TPRG1: variants seen among roughly 807,000 people sequenced by gnomAD.
TPRG1 encodes tumor protein p63-regulated gene 1 protein.
Under a neutral mutation model 29.3 loss-of-function variants are expected in TPRG1, and 29 were observed. The ratio of observed to expected loss-of-function variants is 0.99; its 90% CI spans 0.74 to 1.35. The LOEUF (loss-of-function observed/expected upper bound fraction) is 1.35, where lower values mean the gene tolerates loss of function less well. Among genes scored for constraint, TPRG1 ranks in the 40% most tolerant of loss-of-function variants. The pLI is 0.00. For synonymous variants in TPRG1, 130 were observed against 116.8 expected (o/e 1.11, Z -0.73); for missense variants, 327 against 335.0 (o/e 0.98, Z 0.19).
chr3:189,142,040 G>A (rs775459891), intron 3 of TPRG1, among the ~76,000 whole-genome samples: 1 of 152,162 alleles, frequency 6.6e-6, no homozygotes, highest in Non-Finnish European at 1.5e-5. Context: ...GAGGAACTGG[G>A]GGAAACAGGG....
At chr3:189,159,169 T>C (rs1236216560) in intron 5 of TPRG1, among the ~76,000 whole-genome samples, 1 of 152,154 alleles carries the variant, frequency 6.6e-6, no homozygotes, top group East Asian at 1.9e-4. Context: ...CAATGCTAAA[T>C]CATAATAAAC....
At chr3:189,071,114 G>T (rs977819622) in intron 4 of TPRG1, among the ~76,000 whole-genome samples, 1 of 151,334 alleles carries the variant, frequency 6.6e-6, no homozygotes, top group African/African-American at 2.4e-5. Flanking sequence ...CTCAGTGAAG[G>T]TCCCCAGACC....
At position 189,017,275 on chromosome 3, in the gene TPRG1, T is replaced by G. The variant is rs558953653; in HGVS notation, c.-659-6475T>G. Among the ~76,000 whole-genome samples, 32 of 152,008 alleles carry G rather than the reference T, an allele frequency of 2.1e-4. No homozygotes were observed. In the South Asian group the frequency reaches 6.7e-3, roughly 32 times the overall value. ...TTAAGTTTTAGGGTACATGTGCACATTGTGCAGGTTAGTTACATATGTATA... is the reference window on the plus strand; with the variant it reads ...TTAAGTTTTAGGGTACATGTGCACAGTGTGCAGGTTAGTTACATATGTATA... On this transcript the variant is annotated intron_variant, in intron 3 of 10. Transcript: ENST00000433971.
chr3:189,109,299 G>A (rs569547093), intron 1 of TPRG1, among the ~76,000 whole-genome samples: 164 of 152,340 alleles, frequency 1.1e-3, no homozygotes, highest in African/African-American at 3.9e-3. Context: ...ACTGTCTAGT[G>A]CGTGTGGTGC....
chr3:189,065,771 A>G (rs1012109603), intron 4 of TPRG1, among the ~76,000 whole-genome samples: 9 of 152,180 alleles, frequency 5.9e-5, no homozygotes, highest in African/African-American at 2.2e-4. Context: ...TGTCTTTAAT[A>G]CTACTCTTAT....
chr3:189,233,160 GTGTGTA>G (rs930250424), intron 3 of TPRG1, among the ~76,000 whole-genome samples: 9 of 107,198 alleles, frequency 8.4e-5, no homozygotes, highest in African/African-American at 1.6e-4. Flanking sequence ...CCTCTACTGA[GTGTGTA>G]TGTGTGTGTG....
chr3:189,102,194 A>C (rs886963482), intron 1 of TPRG1, among the ~76,000 whole-genome samples: 2 of 152,214 alleles, frequency 1.3e-5, no homozygotes, highest in African/African-American at 4.8e-5. Flanking sequence ...TGTAGAAAAC[A>C]TTCCCCTGGC....
intron 1 of TPRG1, among the ~76,000 whole-genome samples, chr3:189,188,823 A>G (rs1311766504): frequency 6.6e-6 from 1 of 152,142 alleles, no homozygotes; most frequent in Non-Finnish European, 1.5e-5. Context: ...TTTTTCCTGT[A>G]TGCAGCCTTT....
intron 4 of TPRG1, among the ~76,000 whole-genome samples, chr3:189,279,489 A>G (rs1313576878): frequency 6.6e-6 from 1 of 152,188 alleles, no homozygotes; most frequent in Non-Finnish European, 1.5e-5. Flanking sequence ...GTAGCTCTAT[A>G]ATTATCTATT....
intron 1 of TPRG1, among the ~76,000 whole-genome samples, chr3:189,102,504 T>C (rs115546531): frequency 0.019 from 2,864 of 149,308 alleles, 59 homozygotes; most frequent in Non-Finnish European, 0.026. Context: ...ACATGTTACC[T>C]GTCTCTAAGT....
chr3:189,047,196 G>T (rs1715032340), intron 4 of TPRG1, among the ~76,000 whole-genome samples: 1 of 152,086 alleles, frequency 6.6e-6, no homozygotes, highest in Admixed American at 6.6e-5. Flanking sequence ...TACACGCATA[G>T]GTTGGAGATA....
intron 4 of TPRG1, among the ~76,000 whole-genome samples, chr3:189,282,003 C>T (rs2109141617): frequency 1.3e-5 from 2 of 152,168 alleles, no homozygotes; most frequent in South Asian, 4.1e-4. Context: ...GCCTCAGCTT[C>T]CTGAGTAGCT....
intron 3 of TPRG1, among the ~76,000 whole-genome samples, chr3:189,144,426 A>G (rs1352369069): frequency 6.6e-6 from 1 of 152,226 alleles, no homozygotes; most frequent in East Asian, 1.9e-4. Flanking sequence ...TACATAAAAT[A>G]GTGATGTGAC....
chr3:189,181,634 A>G (rs1186947334), intron 1 of TPRG1, among the ~76,000 whole-genome samples: 1 of 152,216 alleles, frequency 6.6e-6, no homozygotes, highest in Non-Finnish European at 1.5e-5. Flanking sequence ...TATTATTATC[A>G]GCATTTTAGT....
chr3:189,111,516 G>A (rs1720524128), intron 1 of TPRG1, among the ~76,000 whole-genome samples: 1 of 152,058 alleles, frequency 6.6e-6, no homozygotes, highest in African/African-American at 2.4e-5. Flanking sequence ...TCTACTGAAT[G>A]TATATTGCTT....
rs76059576 is a variant in TPRG1, at chr3:189,111,071, T to A, written c.-744+10867T>A. ...CTATTCTTTTTTCTCTGCCTTTCCT[T>A]GGAAATTTTAGAATCAGCTTGGCAA... is the stretch of plus-strand genomic sequence containing the variant. On this transcript the variant is annotated intron_variant, in intron 1 of 6. Transcript: ENST00000412373. Among the ~76,000 whole-genome samples, 881 of 151,450 alleles carry A rather than the reference T, an allele frequency of 5.8e-3. 5 individuals are homozygous for A. The highest frequency in any genetic ancestry group is 8.2e-3 in the Non-Finnish European group (555 of 67,854).
rs1205604460 is a variant in TPRG1, at chr3:189,325,099, G to A, written c.*4279G>A. The A allele has an allele frequency of 6.6e-6, 1 of 152,010 alleles. No individual in the cohort carries two copies. The highest frequency in any genetic ancestry group is 1.5e-5 in the Non-Finnish European group (1 of 68,018). 9.4% of individuals were successfully genotyped at this position (152,010 alleles called of 1,614,324 possible). On this transcript the variant is annotated 3_prime_UTR_variant, in exon 6 of 6. Coordinates refer to ENST00000345063, the MANE Select transcript of TPRG1 (RefSeq NM_198485.4). ...CTCTGAGGCCTTGGAGTTACTGAGA[G>A]TGGACCAATACTTGTCTTATTCTAC... is the stretch of plus-strand genomic sequence containing the variant.
chr3:189,113,913 TATA>T (rs924729669), intron 1 of TPRG1, among the ~76,000 whole-genome samples: 2 of 134,086 alleles, frequency 1.5e-5, no homozygotes, highest in Non-Finnish European at 3.0e-5. Context: ...AAACTTAAAG[TATA>T]ATAATAATAA....
At chr3:189,182,723 C>A (rs534531699) in intron 1 of TPRG1, among the ~76,000 whole-genome samples, 39 of 152,216 alleles carry the variant, frequency 2.6e-4, no homozygotes, top group African/African-American at 9.4e-4. Flanking sequence ...GAATAATTAA[C>A]AATAGAAAGT....
Sources: allele counts gnomAD v4.1 joint callset (sites outside exome capture counted in the v4.1 genomes callset), GRCh38; gene constraint gnomAD v4.1.1; transcripts MANE v1.5; gene names NCBI Gene and HGNC (gene_info 2026-07-23, HGNC 2026-07-21).